The following KIAA1549L variants were observed in gnomAD, a reference collection of about 807,000 sequenced individuals.
KIAA1549L encodes KIAA1549 like.
KIAA1549L carries 88 observed loss-of-function variants against 160.7 expected under a neutral mutation model. The observed-to-expected ratio is 0.55, with a 90% CI of 0.46 to 0.65. The LOEUF is 0.65. Among genes scored for constraint, KIAA1549L ranks in the 30% least tolerant of loss-of-function variants. The pLI, the probability that KIAA1549L is intolerant of heterozygous loss-of-function variation, is 0.00. For missense variants in KIAA1549L, 2,258 were observed against 2,437.5 expected (o/e 0.93, Z 1.55); for synonymous variants, 950 against 976.7 (o/e 0.97, Z 0.51).
At chr11:33,473,410 C>G (rs1376014809) in intron 1 of KIAA1549L, among the ~76,000 whole-genome samples, 1 of 152,082 alleles carries the variant, frequency 6.6e-6, no homozygotes, top group Non-Finnish European at 1.5e-5. Flanking sequence ...GAGGTGATGT[C>G]CAAGACAAGT....
intron 1 of KIAA1549L, among the ~76,000 whole-genome samples, chr11:33,394,869 G>T (rs142127830): frequency 6.6e-6 from 1 of 152,224 alleles, no homozygotes; most frequent in African/African-American, 2.4e-5. Flanking sequence ...GCTTGTCTGC[G>T]TGCAGCAGAT....
At chr11:33,496,693 C>T (rs923796556) in intron 1 of KIAA1549L, among the ~76,000 whole-genome samples, 1 of 152,130 alleles carries the variant, frequency 6.6e-6, no homozygotes, top group Admixed American at 6.5e-5. Context: ...GCCCAGCTGC[C>T]CAGCACTGCA....
Position 33,574,743 on chromosome 11 carries a change from G to C in KIAA1549L, c.4272G>C (p.Ala1424=). 1 of 1,613,754 alleles carries C rather than the reference G, an allele frequency of 6.2e-7. No individual in the cohort carries two copies. Among genetic ancestry groups the C allele is most frequent in the Non-Finnish European group, 8.5e-7 (1 of 1,179,748 alleles). ...GTGTCCCAGGCCCGAAGGACCCAGCGGAGCTGACTTACTATACCCTGTACA... is the reference window on the plus strand; with the variant it reads ...GTGTCCCAGGCCCGAAGGACCCAGCCGAGCTGACTTACTATACCCTGTACA... ...MQRVPGPKDP[A]ELTYYTLYNG... is the part of the protein sequence containing the mutation. Residue 1424 remains alanine (A), a synonymous_variant, in exon 10 of 21, where the codon GCG becomes GCC. Transcript: ENST00000658780.
At chr11:33,519,850 T>G (rs1853436873) in intron 1 of KIAA1549L, among the ~76,000 whole-genome samples, 1 of 152,096 alleles carries the variant, frequency 6.6e-6, no homozygotes, top group African/African-American at 2.4e-5. Context: ...CCTCCTCACA[T>G]TTCCTCTTTG....
At chr11:33,464,309 C>T (rs528468840) in intron 1 of KIAA1549L, among the ~76,000 whole-genome samples, 69 of 152,322 alleles carry the variant, frequency 4.5e-4, no homozygotes, top group African/African-American at 1.6e-3. Flanking sequence ...AATCAATCAG[C>T]AAACCCTTGT....
chr11:33,398,724 A>G (rs545466581), intron 1 of KIAA1549L, among the ~76,000 whole-genome samples: 25 of 152,312 alleles, frequency 1.6e-4, no homozygotes, highest in Admixed American at 1.6e-3. Context: ...TAGGATTGAT[A>G]TCTTTCCTTT....
At chr11:33,507,150 C>T (rs1440544396) in intron 1 of KIAA1549L, among the ~76,000 whole-genome samples, 1 of 152,184 alleles carries the variant, frequency 6.6e-6, no homozygotes, top group Non-Finnish European at 1.5e-5. Context: ...TAAAATACCA[C>T]CAAATCCCTT....
intron 12 of KIAA1549L, among the ~76,000 whole-genome samples, chr11:33,592,091 C>G (rs1314676360): frequency 1.3e-5 from 2 of 152,138 alleles, no homozygotes; most frequent in Non-Finnish European, 2.9e-5. Context: ...TAAGGGCATC[C>G]AGTCTAAAAA....
intron 16 of KIAA1549L, among the ~76,000 whole-genome samples, chr11:33,619,913 C>T (rs995984346): frequency 1.3e-5 from 2 of 152,152 alleles, no homozygotes; most frequent in African/African-American, 4.8e-5. Context: ...TAATCTTTCC[C>T]CACCAACAGT....
At chr11:33,492,599 G>T (rs891608711) in intron 1 of KIAA1549L, among the ~76,000 whole-genome samples, 1 of 152,150 alleles carries the variant, frequency 6.6e-6, no homozygotes, top group Non-Finnish European at 1.5e-5. Context: ...CTGCTCGGAG[G>T]AAGCCCCTTG....
intron 16 of KIAA1549L, among the ~76,000 whole-genome samples, chr11:33,624,776 A>C (rs1851053914): frequency 7.1e-6 from 1 of 141,040 alleles, no homozygotes; most frequent in African/African-American, 2.6e-5. Flanking sequence ...TTATTATTAT[A>C]CTTTAAGTTT....
intron 16 of KIAA1549L, among the ~76,000 whole-genome samples, chr11:33,644,545 A>G (rs1851666734): frequency 6.6e-6 from 1 of 152,230 alleles, no homozygotes; most frequent in Non-Finnish European, 1.5e-5. Context: ...TATTGTTTTT[A>G]CCATGTGCTA....
intron 20 of KIAA1549L, among the ~76,000 whole-genome samples, chr11:33,663,659 T>A (rs1032090248): frequency 1.5e-4 from 23 of 152,158 alleles, no homozygotes; most frequent in Non-Finnish European, 2.8e-4. Context: ...TGTGGTAGCT[T>A]CCTTCTCAAA....
At chr11:33,584,619 T>C (rs1404910893) in intron 11 of KIAA1549L, among the ~76,000 whole-genome samples, 2 of 152,264 alleles carry the variant, frequency 1.3e-5, no homozygotes, top group Admixed American at 1.3e-4. Flanking sequence ...CCTCGAGGAC[T>C]ATCACCTCGT....
intron 12 of KIAA1549L, among the ~76,000 whole-genome samples, chr11:33,593,173 T>A (rs1850107037): frequency 2.0e-5 from 3 of 152,180 alleles, no homozygotes; most frequent in Admixed American, 2.0e-4. Context: ...CTCACACCTG[T>A]AACTCCAGCA....
chr11:33,384,770 TGTTAA>T (rs899601151), intron 1 of KIAA1549L, among the ~76,000 whole-genome samples: 6 of 152,242 alleles, frequency 3.9e-5, no homozygotes, highest in Admixed American at 2.0e-4. Flanking sequence ...CTTTGAAGTC[TGTTAA>T]GTTATTTTGC....
At chr11:33,615,026 C>G (rs1850773411) in intron 15 of KIAA1549L, among the ~76,000 whole-genome samples, 1 of 152,088 alleles carries the variant, frequency 6.6e-6, no homozygotes, top group African/African-American at 2.4e-5. Flanking sequence ...GGGCTTGAGC[C>G]TCCGTTACCC....
At chr11:33,628,135 C>G (rs1242891118) in intron 16 of KIAA1549L, among the ~76,000 whole-genome samples, 1 of 151,356 alleles carries the variant, frequency 6.6e-6, no homozygotes, top group Non-Finnish European at 1.5e-5. Flanking sequence ...TTTGATTGCA[C>G]TGTGGTCTGA....
intron 14 of KIAA1549L, among the ~76,000 whole-genome samples, chr11:33,608,671 C>T (rs1238023186): frequency 6.6e-6 from 1 of 152,222 alleles, no homozygotes; most frequent in Non-Finnish European, 1.5e-5. Flanking sequence ...AATTTATCAC[C>T]CCCTTTTCCT....
Sources: gnomAD v4.1 joint callset for allele counts (sites outside exome capture counted in the v4.1 genomes callset) on GRCh38, gnomAD v4.1.1 for gene constraint, MANE v1.5 for transcripts, NCBI Gene and HGNC (gene_info 2026-07-23, HGNC 2026-07-21) for gene names.